The following PARG variants were observed in gnomAD, a reference collection of about 807,000 sequenced individuals.
The protein encoded by PARG is poly(ADP-ribose) glycohydrolase.
PARG carries 35 observed loss-of-function variants against 113.0 expected under a neutral mutation model. That is an observed-to-expected ratio of 0.31 (90% CI 0.24 to 0.41). The LOEUF is 0.41. Among genes scored for constraint, PARG ranks in the 10% least tolerant of loss-of-function variants. The pLI is 1.00. For missense variants in PARG, 797 were observed against 1,169.4 expected (o/e 0.68, Z 4.64); for synonymous variants, 330 against 409.9 (o/e 0.81, Z 2.36).
At chr10:49,912,475 CA>C (rs1486806122) in intron 7 of PARG, among the ~76,000 whole-genome samples, 1 of 149,616 alleles carries the variant, frequency 6.7e-6, no homozygotes, top group Non-Finnish European at 1.5e-5. Flanking sequence ...CCATCATGGC[CA>C]ACATGGTGAA....
At chr10:49,821,147 T>C (rs1189900296) in intron 16 of PARG, among the ~76,000 whole-genome samples, 2 of 152,022 alleles carry the variant, frequency 1.3e-5, no homozygotes, top group Non-Finnish European at 2.9e-5. Context: ...ACAGTCACTC[T>C]CTGGTGTGTT....
intron 9 of PARG, among the ~76,000 whole-genome samples, chr10:49,878,103 G>A (rs2132615883): frequency 6.6e-6 from 1 of 151,802 alleles, no homozygotes; most frequent in East Asian, 1.9e-4. Flanking sequence ...CATTTCTGTG[G>A]TATTCTCCCA....
chr10:49,822,139 TG>T (rs1334691448), intron 16 of PARG, among the ~76,000 whole-genome samples: 2 of 152,098 alleles, frequency 1.3e-5, no homozygotes, highest in East Asian at 1.9e-4. Flanking sequence ...AAAAATGGAA[TG>T]GAGGAAGACA....
chr10:49,939,877 G>A (rs1316539866), intron 1 of PARG, among the ~76,000 whole-genome samples: 2 of 152,072 alleles, frequency 1.3e-5, no homozygotes, highest in Non-Finnish European at 2.9e-5. Flanking sequence ...CCAGAGAACT[G>A]CCCGAGCTCT....
intron 7 of PARG, among the ~76,000 whole-genome samples, chr10:49,912,585 C>T (rs1837257773): frequency 1.3e-5 from 2 of 152,086 alleles, no homozygotes; most frequent in East Asian, 3.9e-4. Flanking sequence ...ATGGCTTGAA[C>T]CCAGGAGGTG....
chr10:49,824,713 T>C (rs1486205014), intron 16 of PARG, among the ~76,000 whole-genome samples: 3 of 152,202 alleles, frequency 2.0e-5, no homozygotes, highest in African/African-American at 4.8e-5. Context: ...AACACTGTTC[T>C]AGGAGCTTTA....
chr10:49,843,215 C>T (rs1368620927), intron 14 of PARG, among the ~76,000 whole-genome samples: 1 of 152,212 alleles, frequency 6.6e-6, no homozygotes, highest in East Asian at 1.9e-4. Flanking sequence ...TGGTCAAAGG[C>T]TTTAAGCTCT....
intron 7 of PARG, among the ~76,000 whole-genome samples, chr10:49,890,442 T>C (rs1847715821): frequency 6.6e-6 from 1 of 152,220 alleles, no homozygotes; most frequent in South Asian, 2.1e-4. Flanking sequence ...GATTGGCTGA[T>C]AAACAAATAC....
At chr10:49,894,293 T>C (rs1283866597) in intron 7 of PARG, among the ~76,000 whole-genome samples, 1 of 152,130 alleles carries the variant, frequency 6.6e-6, no homozygotes, top group East Asian at 1.9e-4. Context: ...CCCTCTGCCT[T>C]GGCCTCGCAA....
At chr10:49,923,647 G>A (rs1421829983) in intron 4 of PARG, among the ~76,000 whole-genome samples, 1 of 152,000 alleles carries the variant, frequency 6.6e-6, no homozygotes, top group African/African-American at 2.4e-5. Flanking sequence ...ATTGGAAGCA[G>A]CCGGCGCCAG....
At chr10:49,881,560 C>T (rs1238969137) in intron 8 of PARG, among the ~76,000 whole-genome samples, 1 of 152,102 alleles carries the variant, frequency 6.6e-6, no homozygotes, top group Non-Finnish European at 1.5e-5. Flanking sequence ...CTCAAAATGG[C>T]ATGCCTAGAG....
intron 6 of PARG, among the ~76,000 whole-genome samples, chr10:49,916,850 C>T (rs1361700677): frequency 6.6e-6 from 1 of 152,136 alleles, no homozygotes; most frequent in Admixed American, 6.6e-5. Flanking sequence ...GTAACACACA[C>T]TCAAAATTTT....
At chr10:49,928,166 G>A (rs1274788193) in intron 4 of PARG, among the ~76,000 whole-genome samples, 1 of 151,966 alleles carries the variant, frequency 6.6e-6, no homozygotes, top group Non-Finnish European at 1.5e-5. Context: ...AGCTACTTGG[G>A]AGGGTGAGGT....
At chr10:49,850,028 A>G (rs1327156436) in intron 13 of PARG, among the ~76,000 whole-genome samples, 17 of 151,144 alleles carry the variant, frequency 1.1e-4, no homozygotes, top group African/African-American at 4.1e-4. Flanking sequence ...AAAAGAAAAA[A>G]TAAATAATAT....
intron 13 of PARG, 47 bp downstream of exon 13, chr10:49,857,259 C>G: frequency 1.4e-6 from 1 of 705,326 alleles, no homozygotes; most frequent in Non-Finnish European, 2.6e-6. Flanking sequence ...GACAGATATT[C>G]ACAGATGGGG....
At position 49,932,163 on chromosome 10, in the gene PARG, C is replaced by A; in HGVS notation, c.1392G>T (p.Met464Ile). ...GAGGCAGCCGGATCCCACACCGAGG[C>A]ATTCTTCTCATCTCCTCAATGGGAG... is the stretch of plus-strand genomic sequence containing the variant. ...LGTPIEEMRR[M>I]PRCGIRLPLL... Residue 464 changes from methionine to isoleucine, a missense_variant, in exon 4 of 18, where the codon ATG becomes ATT. Met to Ile is a conservative substitution (Grantham distance 10, BLOSUM62 1). Transcript: ENST00000616448. 3.7e-6 allele frequency: 6 copies of A among 1,606,794 alleles called. No individual in the cohort carries two copies. In the South Asian group the frequency reaches 6.6e-5, roughly 18 times the overall value.
rs1451225060 is a variant in PARG, at chr10:49,866,078, T to C, written c.2069-697A>G. On this transcript the variant is annotated intron_variant, in intron 10 of 17. Transcript: ENST00000616448. The stretch of plus-strand genomic sequence containing the variant: ...ATCTGGGAGGATCTAAATGAAGTAC[T>C]ATTAATGTAGTCAATAATTTTAGAG... Among the ~76,000 whole-genome samples, 60 of 148,138 alleles carry C rather than the reference T, an allele frequency of 4.1e-4. 3 individuals carry two copies. The highest frequency in any genetic ancestry group is 1.5e-5 in the Non-Finnish European group (1 of 66,886).
intron 13 of PARG, among the ~76,000 whole-genome samples, chr10:49,855,096 C>G (rs1469271290): frequency 6.0e-5 from 9 of 149,748 alleles, no homozygotes; most frequent in African/African-American, 2.2e-4. Flanking sequence ...CTAAAGAAAA[C>G]TATGTCTAAA....
intron 8 of PARG, among the ~76,000 whole-genome samples, chr10:49,883,677 T>C (rs1394886251): frequency 6.6e-6 from 1 of 152,038 alleles, no homozygotes; most frequent in East Asian, 1.9e-4. Context: ...GGCACACGCC[T>C]GTAGTCCCGG....
Sources: gnomAD v4.1 joint callset for allele counts (sites outside exome capture counted in the v4.1 genomes callset) on GRCh38, gnomAD v4.1.1 for gene constraint, MANE v1.5 for transcripts, NCBI Gene and HGNC (gene_info 2026-07-23, HGNC 2026-07-21) for gene names.